GGACT: variants seen among roughly 807,000 people sequenced by gnomAD.
GGACT encodes gamma-glutamylamine cyclotransferase, also known as gamma-glutamylaminecyclotransferase.
For synonymous variants in GGACT, 118 were observed against 115.3 expected (o/e 1.02, Z -0.15); for missense variants, 241 against 233.2 (o/e 1.03, Z -0.22).
intron 2 of GGACT, among the ~76,000 whole-genome samples, chr13:100,553,990 A>G (rs549375627): frequency 6.6e-6 from 1 of 152,336 alleles, no homozygotes; most frequent in South Asian, 2.1e-4. Flanking sequence ...ACAAAGATTA[A>G]CAGTAGAGGA....
At chr13:100,544,968 G>A (rs574652616) in intron 2 of GGACT, among the ~76,000 whole-genome samples, 22 of 152,280 alleles carry the variant, frequency 1.4e-4, no homozygotes, top group African/African-American at 4.6e-4. Context: ...CAGCAGGAGC[G>A]GAGGTGCTGC....
At position 100,532,068 on chromosome 13, in the gene GGACT, T is replaced by C. The variant is rs946059368; in HGVS notation, c.*62A>G. On this transcript the variant is annotated 3_prime_UTR_variant, in exon 3 of 3. Coordinates refer to ENST00000683975, the MANE Select transcript of GGACT (RefSeq NM_001195087.2). ...GTTCGGCTTCCGCCTTCACCCAGCA[T>C]GGGCTGGGCGCATCTTGGAGCCCCA... 3.2e-6 allele frequency: 4 copies of C among 1,241,274 alleles called. No homozygotes were observed. Among genetic ancestry groups the C allele is most frequent in the South Asian group, 2.2e-5 (1 of 46,276 alleles). The allele number at this position is 1,241,274 out of a possible 1,614,324, so 76.9% of individuals were successfully genotyped here. A position where few individuals can be genotyped will look rare whatever the true frequency, so the allele number is the denominator to read the frequency against.
chr13:100,531,841 G>T lies in GGACT; in HGVS notation c.*289C>A. On this transcript the variant is annotated 3_prime_UTR_variant, in exon 3 of 3. Transcript: ENST00000683975. ...TGAGCTCAAAGCAGAGCCAACAGCA[G>T]AAACAACACGAGGAGGAAGAAGAAT... 1 of 338,904 alleles carries T rather than the reference G, an allele frequency of 3.0e-6. No homozygotes were observed. Among genetic ancestry groups the T allele is most frequent in the Admixed American group, 4.3e-5 (1 of 23,024 alleles). The allele number at this position is 338,904 out of a possible 1,614,324, so 21.0% of individuals were successfully genotyped here.
At chr13:100,556,429 C>T (rs1205519874) in intron 2 of GGACT, among the ~76,000 whole-genome samples, 2 of 152,002 alleles carry the variant, frequency 1.3e-5, no homozygotes, top group African/African-American at 4.8e-5. Context: ...AAAATATGTG[C>T]AAGACCTGTG....
intron 2 of GGACT, among the ~76,000 whole-genome samples, chr13:100,574,276 G>A (rs1594197621): frequency 1.3e-5 from 2 of 152,232 alleles, no homozygotes; most frequent in East Asian, 3.9e-4. Context: ...GAATTAACAC[G>A]GGAGCAGAAA....
In GGACT at chr13:100,550,308, A is replaced by T. The variant is rs1284138088; in HGVS notation, c.-10-17707T>A. ...CGAGCCGATTATACTCTACACACAC[A>T]CACACACACACACACACACACACAC... On this transcript the variant is annotated intron_variant, in intron 2 of 2. Coordinates refer to ENST00000683975, the MANE Select transcript of GGACT (RefSeq NM_001195087.2). Among the ~76,000 whole-genome samples, 9 of 13,726 alleles carry T rather than the reference A, an allele frequency of 6.6e-4. 1 individual carries two copies. The highest frequency in any genetic ancestry group is 2.4e-3 in the African/African-American group (9 of 3,746). 9.0% of individuals were successfully genotyped at this position (13,726 alleles called of 152,430 possible).
At chr13:100,535,524 G>A (rs964751538) in intron 2 of GGACT, among the ~76,000 whole-genome samples, 5 of 152,142 alleles carry the variant, frequency 3.3e-5, no homozygotes, top group South Asian at 4.1e-4. Flanking sequence ...CAGAGACCGC[G>A]GTGGGTACCA....
At chr13:100,588,321 A>G (rs1875643719) in intron 1 of GGACT, among the ~76,000 whole-genome samples, 1 of 152,338 alleles carries the variant, frequency 6.6e-6, no homozygotes, top group South Asian at 2.1e-4. Flanking sequence ...TAGTCTCCTT[A>G]CAAACAGGAA....
At chr13:100,538,882 C>T (rs2088523257) in intron 2 of GGACT, 1 of 152,156 alleles carries the variant, frequency 6.6e-6, no homozygotes, top group Non-Finnish European at 1.5e-5. Context: ...TATTTATGTC[C>T]TCTTTAATTG....
intron 2 of GGACT, among the ~76,000 whole-genome samples, chr13:100,544,994 C>T (rs1425326248): frequency 6.6e-6 from 1 of 152,324 alleles, no homozygotes; most frequent in Middle Eastern, 3.4e-3. Flanking sequence ...CCTGCTGCCT[C>T]CTGGTGTGAC....
intron 2 of GGACT, among the ~76,000 whole-genome samples, chr13:100,547,102 T>C (rs2088613634): frequency 6.6e-6 from 1 of 152,186 alleles, no homozygotes; most frequent in Non-Finnish European, 1.5e-5. Flanking sequence ...TGGGGGCACA[T>C]TCATAGGCCC....
intron 2 of GGACT, among the ~76,000 whole-genome samples, chr13:100,562,304 C>T (rs575980393): frequency 7.2e-5 from 11 of 152,256 alleles, no homozygotes; most frequent in South Asian, 2.1e-4. Flanking sequence ...CATAAATACA[C>T]CTTAGTTTTG....
Position 100,545,805 on chromosome 13 carries a change from C to A in GGACT, c.-10-13204G>T, listed in dbSNP as rs1281988884. Among the ~76,000 whole-genome samples the A allele has an allele frequency of 6.6e-6, 1 of 152,194 alleles. No individual in the cohort carries two copies. Among genetic ancestry groups the A allele is most frequent in the Non-Finnish European group, 1.5e-5 (1 of 68,038 alleles). Reference sequence around the variant, plus strand: ...GGGTGAGCTGCTGCACTTCCCATTGCAAGCAGAACCTGTTCCCCCTACAGA... The same window carrying A: ...GGGTGAGCTGCTGCACTTCCCATTGAAAGCAGAACCTGTTCCCCCTACAGA... On this transcript the variant is annotated intron_variant, in intron 2 of 2. Coordinates refer to ENST00000683975, the MANE Select transcript of GGACT (RefSeq NM_001195087.2). The surrounding 1 kb of genome is among the most constrained non-coding windows in gnomAD (Gnocchi z 4.4).
intron 2 of GGACT, among the ~76,000 whole-genome samples, chr13:100,559,013 G>A (rs1399659945): frequency 1.3e-5 from 2 of 152,110 alleles, no homozygotes; most frequent in Admixed American, 6.5e-5. Context: ...AGAGAAATAG[G>A]GAATGACCAC....
At chr13:100,563,083 A>G (rs2088779844) in intron 2 of GGACT, among the ~76,000 whole-genome samples, 1 of 152,206 alleles carries the variant, frequency 6.6e-6, no homozygotes, top group Non-Finnish European at 1.5e-5. Context: ...CTGAACCACT[A>G]GAACTGTGAG....
rs1288895768 is a variant in GGACT at position 100,534,168 on chromosome 13, G to A, written c.-10-1567C>T. Among the ~76,000 whole-genome samples, 5 of 152,188 alleles carry A rather than the reference G, an allele frequency of 3.3e-5. No homozygotes were observed. Among genetic ancestry groups the A allele is most frequent in the Admixed American group, 6.5e-5 (1 of 15,278 alleles). On this transcript the variant is annotated intron_variant, in intron 2 of 2. Coordinates refer to ENST00000683975, the MANE Select transcript of GGACT (RefSeq NM_001195087.2). This position sits in a 1 kb window ranked among gnomAD's most constrained non-coding sequence, Gnocchi z 4.9. ...AGGCCTCATTTTGCTCAAGAGGCAC[G>A]TCTGCTGCCTCTTGGTTCTATCACC...
intron 2 of GGACT, among the ~76,000 whole-genome samples, chr13:100,550,828 T>A (rs1229329514): frequency 6.6e-6 from 1 of 152,206 alleles, no homozygotes; most frequent in African/African-American, 2.4e-5. Flanking sequence ...GTTGTTGTTT[T>A]TTCTCCCCAA....
chr13:100,537,608 T>C (rs548298133), intron 2 of GGACT: 1 of 152,308 alleles, frequency 6.6e-6, no homozygotes, highest in Non-Finnish European at 1.5e-5. Flanking sequence ...CACAGTGTCA[T>C]TGAGGGGAGA....
At chr13:100,547,010 A>G (rs1415808810) in intron 2 of GGACT, among the ~76,000 whole-genome samples, 1 of 152,212 alleles carries the variant, frequency 6.6e-6, no homozygotes, top group African/African-American at 2.4e-5. Context: ...AGATTCCCAA[A>G]GAGGCACGAT....
Sources: gnomAD v4.1 joint callset for allele counts (sites outside exome capture counted in the v4.1 genomes callset) on GRCh38, gnomAD v4.1.1 for gene constraint, Gnocchi (gnomAD v3.1) non-coding constraint, MANE v1.5 for transcripts, NCBI Gene and HGNC (gene_info 2026-07-23, HGNC 2026-07-21) for gene names.